The following DAZAP1 variants were observed in gnomAD, a reference collection of about 807,000 sequenced individuals.
DAZAP1 encodes DAZ-associated protein 1.
In DAZAP1, 6 loss-of-function variants were observed where a neutral mutation model predicts 60.1. That is an observed-to-expected ratio of 0.10 (90% CI 0.05 to 0.20). DAZAP1 has a LOEUF of 0.20. Ranked by LOEUF, DAZAP1 falls within the 10% of genes least tolerant of loss-of-function variation. The pLI, the probability that DAZAP1 is intolerant of heterozygous loss-of-function variation, is 1.00. For missense variants in DAZAP1, 366 were observed against 560.4 expected, an observed-to-expected ratio of 0.65 and a Z score of 3.50; for synonymous variants, 235 against 215.9, an observed-to-expected ratio of 1.09 and a Z score of -0.78.
rs2083051640 is a variant in DAZAP1, at chr19:1,418,453, A to G, written c.237+83A>G. On this transcript the variant is annotated intron_variant, in intron 3 of 11. Transcript: ENST00000233078. The surrounding 1 kb of genome is among the most constrained non-coding windows in gnomAD (Gnocchi z 5.7). ...TTCATTTTTTCCTGGACTCTGACCG[A>G]TGTTTGCGTTAGAGTATGTTTGAAC... The G allele has an allele frequency of 6.5e-7, 1 of 1,545,590 alleles. No homozygotes were observed. Among genetic ancestry groups the G allele is most frequent in the Admixed American group, 1.7e-5 (1 of 58,590 alleles).
chr19:1,412,841 C>G (rs1401198781), intron 1 of DAZAP1, among the ~76,000 whole-genome samples: 1 of 152,202 alleles, frequency 6.6e-6, no homozygotes, highest in Non-Finnish European at 1.5e-5. Flanking sequence ...GCTTGCAGAT[C>G]CTGGGAGATG....
At position 1,426,492 on chromosome 19, in the gene DAZAP1, A is replaced by T. The variant is rs2083307660; in HGVS notation, c.546+532A>T. 6.4e-6 allele frequency: 1 copy of T among 155,762 alleles called. No individual in the cohort carries two copies. The highest frequency in any genetic ancestry group is 1.4e-5 in the Non-Finnish European group (1 of 70,248). 9.6% of individuals were successfully genotyped at this position (155,762 alleles called of 1,614,324 possible). A position where few individuals can be genotyped will look rare whatever the true frequency, so the allele number is the denominator to read the frequency against. On this transcript the variant is annotated intron_variant, in intron 7 of 11. Transcript: ENST00000233078. The surrounding 1 kb of genome is among the most constrained non-coding windows in gnomAD (Gnocchi z 5.4). ...CAGCCACATGCTCTCGGTAGTACTC[A>T]GCCACCATGCAGTCAAGTGACCTCT... is the stretch of plus-strand genomic sequence containing the variant.
chr19:1,415,182 C>G (rs544210249), intron 1 of DAZAP1, among the ~76,000 whole-genome samples: 1 of 151,932 alleles, frequency 6.6e-6, no homozygotes, highest in African/African-American at 2.4e-5. Context: ...AAATGAAGAC[C>G]GAAACTGGAC....
At chr19:1,429,724 A>T (rs1250642686) in intron 8 of DAZAP1, among the ~76,000 whole-genome samples, 3 of 152,220 alleles carry the variant, frequency 2.0e-5, no homozygotes, top group Admixed American at 1.3e-4. Context: ...CCCAGTCAGC[A>T]GACACAGTGC....
rs2082704992 is a variant in DAZAP1, at chr19:1,407,689, G to A, written c.-85G>A. ...TGCGCAGATCCGGGCCGCGGCTGTG[G>A]GGAGGGCGACGGAGCGGGTGACCTT... On this transcript the variant is annotated 5_prime_UTR_variant, in exon 1 of 12. Coordinates refer to ENST00000233078, the MANE Select transcript of DAZAP1 (RefSeq NM_018959.4). The A allele has an allele frequency of 4.9e-6, 5 of 1,027,806 alleles. No homozygotes were observed. Among genetic ancestry groups the A allele is most frequent in the Non-Finnish European group, 5.8e-6 (5 of 857,908 alleles). 63.7% of individuals were successfully genotyped at this position (1,027,806 alleles called of 1,614,324 possible).
Position 1,407,603 on chromosome 19 carries a change from G to A in DAZAP1, c.-171G>A, listed in dbSNP as rs1193555506. 1.9e-5 allele frequency: 7 copies of A among 365,268 alleles called. No homozygotes were observed. In the South Asian group the frequency reaches 6.1e-4, roughly 32 times the overall value. The allele number at this position is 365,268 out of a possible 1,614,324, so 22.6% of individuals were successfully genotyped here. On this transcript the variant is annotated 5_prime_UTR_variant, in exon 1 of 12. Transcript: ENST00000233078. ...GCGGGGACGCGCGGTGACCGTTGGC[G>A]CCGAGGGGAGGAGGCAGCCGCCGCC...
intron 10 of DAZAP1, among the ~76,000 whole-genome samples, chr19:1,430,842 T>C (rs1462823837): frequency 5.3e-5 from 8 of 151,236 alleles, no homozygotes; most frequent in Non-Finnish European, 8.8e-5. Context: ...TGCCTCAGTC[T>C]CCCGAGTAGC....
chr19:1,431,314 A>G (rs903307948), intron 10 of DAZAP1, among the ~76,000 whole-genome samples: 2 of 148,258 alleles, frequency 1.3e-5, no homozygotes, highest in Non-Finnish European at 3.0e-5. Context: ...TATTTTTAGT[A>G]GAGACAGGGT....
At position 1,433,902 on chromosome 19, in the gene DAZAP1, C is replaced by T; in HGVS notation, c.1049-835C>T. 1 of 1,395,216 alleles carries T rather than the reference C, an allele frequency of 7.2e-7. No individual in the cohort carries two copies. Among genetic ancestry groups the T allele is most frequent in the Non-Finnish European group, 1.0e-6 (1 of 986,508 alleles). The allele number at this position is 1,395,216 out of a possible 1,614,324, so 86.4% of individuals were successfully genotyped here. ...GGTGGACGTGGCTTCCTCTGCCGTCCCGGGCGGGGGTGGACGCTGGCGGTG... is the reference window on the plus strand; with the variant it reads ...GGTGGACGTGGCTTCCTCTGCCGTCTCGGGCGGGGGTGGACGCTGGCGGTG... On this transcript the variant is annotated intron_variant, in intron 11 of 11. Transcript: ENST00000233078. This position sits in a 1 kb window ranked among gnomAD's most constrained non-coding sequence, Gnocchi z 6.1.
chr19:1,429,995 T>C lies in DAZAP1; in HGVS notation c.729T>C (p.Ile243=), dbSNP rs1346318729. 6.4e-7 allele frequency: 1 copy of C among 1,573,276 alleles called. No individual in the cohort carries two copies. The highest frequency in any genetic ancestry group is 1.3e-5 in the African/African-American group (1 of 74,142). The change falls in exon 9 of 12, where the codon ATT becomes ATC. Residue 243 remains isoleucine (I), a splice_region_variant and synonymous_variant. Coordinates refer to ENST00000233078, the MANE Select transcript of DAZAP1 (RefSeq NM_018959.4). ...TGTGGGTGCCGGCAGGACAGGCGATTGGTAAGTCCTTGTTTATAGAGCAAA... is the reference window on the plus strand; with the variant it reads ...TGTGGGTGCCGGCAGGACAGGCGATCGGTAAGTCCTTGTTTATAGAGCAAA... The part of the protein sequence containing the change: ...QGMWVPAGQA[I]GGYGPPPAGR...
rs1157801740 is a variant in DAZAP1, at chr19:1,432,466, C to T, written c.872-48C>T. 2 of 1,601,996 alleles carry T rather than the reference C, an allele frequency of 1.2e-6. No individual in the cohort carries two copies. The highest frequency in any genetic ancestry group is 1.7e-5 in the Admixed American group (1 of 59,944). On this transcript the variant is annotated intron_variant, in intron 10 of 11. Coordinates refer to ENST00000233078, the MANE Select transcript of DAZAP1 (RefSeq NM_018959.4). The surrounding 1 kb of genome is among the most constrained non-coding windows in gnomAD (Gnocchi z 4.9). ...GGTGTGGGTCTCCTGCTGGTCTGCC[C>T]CCAGCTGCACAACGTGTCTTGTGCC... is the stretch of plus-strand genomic sequence containing the variant.
At position 1,426,759 on chromosome 19, in the gene DAZAP1, C is replaced by T. The variant is rs2083312964; in HGVS notation, c.546+799C>T. ...TAGGGGTCCAGGTTTTTGCAGGATT[C>T]CTGTCTTGGTCCTTTCAAACCAAGG... is the stretch of plus-strand genomic sequence containing the variant. On this transcript the variant is annotated intron_variant, in intron 7 of 11. Coordinates refer to ENST00000233078, the MANE Select transcript of DAZAP1 (RefSeq NM_018959.4). This position sits in a 1 kb window ranked among gnomAD's most constrained non-coding sequence, Gnocchi z 5.4. 6.6e-6 allele frequency: 1 copy of T among 152,200 alleles called. No homozygotes were observed. Among genetic ancestry groups the T allele is most frequent in the Non-Finnish European group, 1.5e-5 (1 of 68,038 alleles). The allele number at this position is 152,200 out of a possible 1,614,324, so 9.4% of individuals were successfully genotyped here. A position where few individuals can be genotyped will look rare whatever the true frequency, so the allele number is the denominator to read the frequency against.
chr19:1,415,387 G>GT (rs2082949405), intron 1 of DAZAP1, among the ~76,000 whole-genome samples: 1 of 142,468 alleles, frequency 7.0e-6, no homozygotes, highest in Non-Finnish European at 1.5e-5. Flanking sequence ...GTGTGTGTGT[G>GT]TGTTTTGTTT....
chr19:1,432,634 C>T lies in DAZAP1; in HGVS notation c.992C>T (p.Ala331Val), dbSNP rs991034824. 7.4e-6 allele frequency: 12 copies of T among 1,613,302 alleles called. No individual in the cohort carries two copies. The highest frequency in any genetic ancestry group is 1.3e-5 in the African/African-American group (1 of 74,932). The change falls in exon 11 of 12, where the codon GCC becomes GTC. Residue 331 changes from alanine (A) to valine (V), a missense_variant. Ala to Val is a moderately conservative substitution (Grantham distance 64). Around this residue, in one of 3 missense-constraint regions of DAZAP1, gnomAD observed 240 missense variants for 308.8 expected, o/e 0.78. Coordinates refer to ENST00000233078, the MANE Select transcript of DAZAP1 (RefSeq NM_018959.4). The surrounding 1 kb of genome is among the most constrained non-coding windows in gnomAD (Gnocchi z 4.9). ...TTCCCACCGCCTCCGTCTCAGGCTG[C>T]CCCGGACATGAGCAAGCCCCCGACA... Reference protein sequence around the residue: ...LAFPPPPSQAAPDMSKPPTAQ... With the variant: ...LAFPPPPSQAVPDMSKPPTAQ...
chr19:1,420,387 T>C (rs12974475), intron 4 of DAZAP1, among the ~76,000 whole-genome samples: 72 of 106,732 alleles, frequency 6.7e-4, no homozygotes, highest in East Asian at 4.3e-3. Context: ...CATGAAACCA[T>C]CCCGACCGTC....
At chr19:1,427,065 T>A (rs2083321987) in intron 7 of DAZAP1, 1 of 152,202 alleles carries the variant, frequency 6.6e-6, no homozygotes, top group African/African-American at 2.4e-5. Flanking sequence ...GGTTGCAGAC[T>A]TCATTAATTC....
intron 4 of DAZAP1, among the ~76,000 whole-genome samples, chr19:1,419,986 A>G (rs2083104495): frequency 1.1e-5 from 1 of 94,072 alleles, no homozygotes; most frequent in Non-Finnish European, 2.0e-5. Flanking sequence ...GGCGGCGAGC[A>G]CTCACCCCAC....
chr19:1,432,237 C>G lies in DAZAP1; in HGVS notation c.872-277C>G. On this transcript the variant is annotated intron_variant, in intron 10 of 11. Coordinates refer to ENST00000233078, the MANE Select transcript of DAZAP1 (RefSeq NM_018959.4). This position sits in a 1 kb window ranked among gnomAD's most constrained non-coding sequence, Gnocchi z 4.9. ...GGTTACTTGCTCCTTGAGTTCTTGT[C>G]TGAGGCCCACCTGGCGGCTGCTCCG... The G allele has an allele frequency of 1.9e-6, 1 of 524,434 alleles. No individual in the cohort carries two copies. Among genetic ancestry groups the G allele is most frequent in the Non-Finnish European group, 3.4e-6 (1 of 294,510 alleles). 32.5% of individuals were successfully genotyped at this position (524,434 alleles called of 1,614,324 possible).
chr19:1,417,362 T>G, intron 1 of DAZAP1, 138 bp from the exon 2 acceptor site: 1 of 916,064 alleles, frequency 1.1e-6, no homozygotes. Context: ...GCTGTGAGCT[T>G]TGTATGCCGT....
Sources: allele counts gnomAD v4.1 joint callset (sites outside exome capture counted in the v4.1 genomes callset), GRCh38; gene constraint gnomAD v4.1.1; regional missense constraint gnomAD v4.1.1; non-coding constraint Gnocchi (gnomAD v3.1); transcripts MANE v1.5; gene names NCBI Gene and HGNC (gene_info 2026-07-23, HGNC 2026-07-21).